The following S100Z variants were observed in gnomAD, a reference collection of about 807,000 sequenced individuals.
S100Z encodes protein S100-Z.
S100Z carries 11 observed loss-of-function variants against 8.5 expected under a neutral mutation model. The observed-to-expected ratio is 1.30, with a 90% CI of 0.82 to 2.15. S100Z has a LOEUF of 2.15. Ranked by LOEUF, S100Z falls within the 30% of genes most tolerant of loss-of-function variation. S100Z has a pLI of 0.00. For missense variants in S100Z, 126 were observed against 117.9 expected, an observed-to-expected ratio of 1.07 and a Z score of -0.32; for synonymous variants, 34 against 43.8, an observed-to-expected ratio of 0.78 and a Z score of 0.89.
intron 1 of S100Z, among the ~76,000 whole-genome samples, chr5:76,863,492 T>C (rs1751125502): frequency 6.6e-6 from 1 of 152,244 alleles, no homozygotes; most frequent in Admixed American, 6.5e-5. Flanking sequence ...TTTAGTAATA[T>C]TTTGAGCATG....
intron 1 of S100Z, among the ~76,000 whole-genome samples, chr5:76,859,575 G>A (rs148197758): frequency 0.013 from 1,915 of 152,052 alleles, 24 homozygotes; most frequent in African/African-American, 0.042. Flanking sequence ...GAGGTCAGGA[G>A]TTTGAGACCA....
intron 2 of S100Z, among the ~76,000 whole-genome samples, chr5:76,871,640 A>G (rs1743013472): frequency 6.6e-6 from 1 of 150,408 alleles, no homozygotes; most frequent in Admixed American, 6.7e-5. Context: ...CTCCTGCTTC[A>G]GCCTCCTGAG....
chr5:76,866,873 C>T (rs1271380970), intron 1 of S100Z, among the ~76,000 whole-genome samples: 1 of 152,214 alleles, frequency 6.6e-6, no homozygotes, highest in African/African-American at 2.4e-5. Context: ...TTTAGGTACA[C>T]AACATTTATC....
At chr5:76,914,851 C>T (rs1487398281) in intron 4 of S100Z, among the ~76,000 whole-genome samples, 3 of 152,228 alleles carry the variant, frequency 2.0e-5, no homozygotes, top group East Asian at 1.9e-4. Flanking sequence ...CTGAAGTCAG[C>T]GAGACCACGA....
At chr5:76,935,766 T>C in the S100Z span, among the ~76,000 whole-genome samples, 8 of 148,532 alleles carry the variant, frequency 5.4e-5, no homozygotes, top group Non-Finnish European at 1.0e-4. Context: ...CTCAAAATAA[T>C]GACTTTTTTT....
the S100Z span, chr5:76,948,661 CAA>C: frequency 6.6e-6 from 1 of 152,072 alleles, no homozygotes; most frequent in East Asian, 1.9e-4. Context: ...TGGCTATCAT[CAA>C]AAAGATACAA....
At chr5:76,878,783 G>A (rs143293409) in intron 4 of S100Z, among the ~76,000 whole-genome samples, 15 of 152,286 alleles carry the variant, frequency 9.8e-5, no homozygotes, top group Non-Finnish European at 1.8e-4. Context: ...AAGAGATGAT[G>A]GTATATCAGA....
chr5:76,918,140 G>A (rs185658250), intron 4 of S100Z, among the ~76,000 whole-genome samples: 2 of 152,220 alleles, frequency 1.3e-5, no homozygotes, highest in East Asian at 1.9e-4. Flanking sequence ...CTCTATGCAC[G>A]TGTTGTTTTT....
chr5:76,862,124 AGTGTGCGTGTGTGTGT>A (rs1751074189), intron 1 of S100Z, among the ~76,000 whole-genome samples: 2 of 138,426 alleles, frequency 1.4e-5, no homozygotes, highest in Non-Finnish European at 3.1e-5. Context: ...AGGGATAAGG[AGTGTGCGTGTGTGTGT>A]GTGTGTGTGT....
intron 1 of S100Z, among the ~76,000 whole-genome samples, chr5:76,869,596 C>T (rs1225498373): frequency 6.6e-6 from 1 of 152,030 alleles, no homozygotes; most frequent in Non-Finnish European, 1.5e-5. Context: ...GCAGAATAGA[C>T]GTGAGAATGG....
chr5:76,888,552 A>G (rs866849437), intron 4 of S100Z, among the ~76,000 whole-genome samples: 22 of 150,906 alleles, frequency 1.5e-4, no homozygotes, highest in African/African-American at 4.9e-4. Context: ...ATTTTTTTGT[A>G]TTTTTGGTAG....
intron 4 of S100Z, among the ~76,000 whole-genome samples, chr5:76,911,226 C>G (rs1318901448): frequency 6.6e-6 from 1 of 152,202 alleles, no homozygotes; most frequent in East Asian, 1.9e-4. Context: ...CATTTAAAAG[C>G]TCAAGGCTTA....
intron 1 of S100Z, among the ~76,000 whole-genome samples, chr5:76,859,778 A>T (rs1232867164): frequency 6.6e-6 from 1 of 151,082 alleles, no homozygotes; most frequent in Admixed American, 6.6e-5. Flanking sequence ...CAAAAAAAAA[A>T]AAAAAAAGAA....
At chr5:76,864,386 A>ATTTTTTTTTTTTTTT (rs56206322) in intron 1 of S100Z, among the ~76,000 whole-genome samples, 5 of 72,124 alleles carry the variant, frequency 6.9e-5, no homozygotes, top group Non-Finnish European at 7.6e-5. Flanking sequence ...TGCATACTAT[A>ATTTTTTTTTTTTTTT]TTTTTTTTTT....
Position 76,880,000 on chromosome 5 carries a change from G to C in S100Z, c.*2+2166G>C, listed in dbSNP as rs367798141. On this transcript the variant is annotated intron_variant, in intron 4 of 4. Coordinates refer to ENST00000317593, the MANE Select transcript of S100Z (RefSeq NM_130772.4). ...TGCAGGTGGGCTGAGTCCGAAAAGA[G>C]AGTCAGCAAAGGGTGGCGGATTATC... is the stretch of plus-strand genomic sequence containing the variant. 8.5e-5 allele frequency among the ~76,000 whole-genome samples: 13 copies of C among 152,336 alleles called. No individual in the cohort carries two copies. The South Asian group carries it at 2.5e-3, about 29-fold the overall frequency.
At chr5:76,906,972 GTGTGTATA>G (rs1439753070) in intron 4 of S100Z, among the ~76,000 whole-genome samples, 22 of 30,448 alleles carry the variant, frequency 7.2e-4, no homozygotes, top group African/African-American at 2.6e-3. Flanking sequence ...TCCATTGTGT[GTGTGTATA>G]TATATATATA....
chr5:76,947,690 G>A, the S100Z span, among the ~76,000 whole-genome samples: 6 of 152,180 alleles, frequency 3.9e-5, no homozygotes, highest in South Asian at 4.1e-4. Flanking sequence ...GAGCAGAACA[G>A]AGAGCCAGAA....
chr5:76,906,468 T>C (rs181968767), intron 4 of S100Z, among the ~76,000 whole-genome samples: 5 of 152,298 alleles, frequency 3.3e-5, no homozygotes, highest in African/African-American at 1.2e-4. Context: ...GCTACTATCA[T>C]TGTACTTTCT....
At chr5:76,945,942 AC>A in the S100Z span, among the ~76,000 whole-genome samples, 1 of 152,036 alleles carries the variant, frequency 6.6e-6, no homozygotes, top group East Asian at 1.9e-4. Flanking sequence ...GGGGCAGGCC[AC>A]CCCTTCAGGA....
Sources: gnomAD v4.1 joint callset for allele counts (sites outside exome capture counted in the v4.1 genomes callset) on GRCh38, gnomAD v4.1.1 for gene constraint, MANE v1.5 for transcripts, NCBI Gene and HGNC (gene_info 2026-07-23, HGNC 2026-07-21) for gene names.